TUT1: variants seen among roughly 807,000 people sequenced by gnomAD.
The protein encoded by TUT1 is terminal uridylyl transferase 1, U6 snRNA-specific.
In TUT1, 26 loss-of-function variants were observed where a neutral mutation model predicts 48.8. The observed-to-expected ratio is 0.53, with a 90% CI of 0.39 to 0.74. The LOEUF is 0.74. Among genes scored for constraint, TUT1 ranks in the 30% least tolerant of loss-of-function variants. TUT1 has a pLI of 0.00. For synonymous variants in TUT1, 470 were observed against 460.8 expected (o/e 1.02, Z -0.26); for missense variants, 1,065 against 1,114.8 (o/e 0.96, Z 0.64).
intron 5 of TUT1, 96 bp from the exon 6 acceptor site, chr11:62,577,387 G>T: frequency 1.1e-6 from 1 of 926,304 alleles, no homozygotes; most frequent in Non-Finnish European, 1.7e-6. Context: ...GGAGCCAGCT[G>T]GAATAAGGCC....
rs776702341 is a variant in TUT1, at chr11:62,578,635, G to A, written c.1086C>T (p.Pro362=). 4.5e-5 allele frequency: 73 copies of A among 1,614,070 alleles called. No individual in the cohort carries two copies. The South Asian group carries it at 7.6e-4, about 17-fold the overall frequency. Residue 362 remains proline (P), a synonymous_variant, in exon 5 of 9, where the codon CCC becomes CCT. Coordinates refer to ENST00000476907, the MANE Select transcript of TUT1 (RefSeq NM_022830.3). The part of the protein sequence containing the change: ...VPGVYRVQTV[P]SARRPVVKFC... Reference sequence around the variant, plus strand: ...ACTTGACCACAGGGCGCCGGGCAGAGGGCACAGTTTGGACTCGATACACCC... The same window carrying A: ...ACTTGACCACAGGGCGCCGGGCAGAAGGCACAGTTTGGACTCGATACACCC...
chr11:62,589,137 C>G lies in TUT1; in HGVS notation c.167G>C (p.Arg56Pro), dbSNP rs144880719. The G allele has an allele frequency of 1.2e-6, 2 of 1,614,264 alleles. No individual in the cohort carries two copies. The highest frequency in any genetic ancestry group is 1.7e-6 in the Non-Finnish European group (2 of 1,180,040). ...GGGAAAGCCACTGACAAACACACTT[C>G]GAAGTCCCTGGGCCTTTCTCGCAGC... ...LRAARKAQGL[R>P]SVFVSGFPRD... Residue 56 changes from arginine (R) to proline (P), a missense_variant, in exon 2 of 9, where the codon CGA becomes CCA. Physicochemically the swap from Arg to Pro is moderately radical, Grantham distance 103. Transcript: ENST00000476907.
At position 62,581,177 on chromosome 11, in the gene TUT1, T is replaced by C. The variant is rs1187058045; in HGVS notation, c.619A>G (p.Ile207Val). The C allele has an allele frequency of 6.2e-7, 1 of 1,614,114 alleles. No homozygotes were observed. The highest frequency in any genetic ancestry group is 2.2e-5 in the East Asian group (1 of 44,874). Residue 207 changes from isoleucine (I) to valine (V), a missense_variant, in exon 4 of 9, where the codon ATA (isoleucine) becomes GTA (valine). By Grantham distance (29) the Ile-to-Val change is conservative. Coordinates refer to ENST00000476907, the MANE Select transcript of TUT1 (RefSeq NM_022830.3). ...CAGCCATGGACATCGAAGCTATTTATGGAAGAGCCAAAAGGGTGGACCACA... is the reference window on the plus strand; with the variant it reads ...CAGCCATGGACATCGAAGCTATTTACGGAAGAGCCAAAAGGGTGGACCACA... ...GCVVHPFGSS[I>V]NSFDVHGCDL...
chr11:62,576,445 A>G, intron 8 of TUT1: 1 of 792,280 alleles, frequency 1.3e-6, no homozygotes. Flanking sequence ...CCTTGCCCAG[A>G]TGCTGCTGCT....
intron 1 of TUT1, 62 bp downstream of exon 1, chr11:62,591,342 C>T: frequency 1.3e-6 from 2 of 1,493,766 alleles, no homozygotes; most frequent in East Asian, 4.7e-5. Context: ...CCCTAACTTT[C>T]GCCAGGATCA....
rs755373474 is a variant in TUT1 at position 62,577,220 on chromosome 11, T to C, written c.1232A>G (p.Tyr411Cys). The C allele has an allele frequency of 6.2e-7, 1 of 1,611,310 alleles. No homozygotes were observed. Among genetic ancestry groups the C allele is most frequent in the Non-Finnish European group, 8.5e-7 (1 of 1,179,194 alleles). ...ELDGRVRPLV[Y>C]TLRCWAQGRG... ...ACCCTGAGCCCAGCAGCGGAGGGTG[T>C]ACACGAGGGGCCGGACTCGACCATC... Residue 411 changes from tyrosine to cysteine, a missense_variant, in exon 6 of 9, where the codon TAC (tyrosine) becomes TGC (cysteine). Transcript: ENST00000476907.
intron 8 of TUT1, 197 bp downstream of exon 8, chr11:62,576,460 G>T: frequency 2.6e-6 from 2 of 782,524 alleles, no homozygotes; most frequent in Non-Finnish European, 4.0e-6. Flanking sequence ...GCTGCTCCTT[G>T]CTAGCCAGTG....
intron 4 of TUT1, among the ~76,000 whole-genome samples, chr11:62,579,900 A>G (rs1206035863): frequency 3.3e-5 from 1 of 30,470 alleles, no homozygotes; most frequent in East Asian, 8.4e-4. Flanking sequence ...TCCTGACCTC[A>G]GGTGATCCAC....
At chr11:62,581,005 T>C (rs1941815456) in intron 4 of TUT1, 101 bp downstream of exon 4, 1 of 838,640 alleles carries the variant, frequency 1.2e-6, no homozygotes. Flanking sequence ...ATCTGCATTG[T>C]AGATGAGGAA....
At chr11:62,585,265 G>A (rs1212119993) in intron 2 of TUT1, among the ~76,000 whole-genome samples, 1 of 152,072 alleles carries the variant, frequency 6.6e-6, no homozygotes, top group African/African-American at 2.4e-5. Flanking sequence ...GGATGATAGG[G>A]GCACATCACC....
At chr11:62,577,066 C>T (rs770659435) in intron 6 of TUT1, 49 bp from the exon 7 acceptor site, 3 of 1,590,064 alleles carry the variant, frequency 1.9e-6, no homozygotes, top group Non-Finnish European at 1.7e-6. Context: ...GCTTCTAATC[C>T]CCTCACTGGC....
intron 2 of TUT1, among the ~76,000 whole-genome samples, chr11:62,583,337 C>T (rs1284164957): frequency 6.6e-6 from 1 of 151,716 alleles, no homozygotes; most frequent in African/African-American, 2.4e-5. Flanking sequence ...AAACGCCGGG[C>T]GCAGTAGCTC....
At position 62,581,090 on chromosome 11, in the gene TUT1, TG is replaced by T. The variant is rs1565267197; in HGVS notation, c.690+15del. On this transcript the variant is annotated intron_variant, in intron 4 of 8. Coordinates refer to ENST00000476907, the MANE Select transcript of TUT1 (RefSeq NM_022830.3). Reference sequence around the variant, plus strand: ...CATGGACTTTTCCCAGCTGCCTCCCTGGGACACTCACTCACCTGGGGCTCTT... The same window carrying T: ...CATGGACTTTTCCCAGCTGCCTCCCTGGACACTCACTCACCTGGGGCTCTT... 5 of 1,609,058 alleles carry T rather than the reference TG, an allele frequency of 3.1e-6. No homozygotes were observed. In the African/African-American group the frequency reaches 6.7e-5, roughly 22 times the overall value.
At chr11:62,582,880 G>GC (rs1941854431) in intron 2 of TUT1, among the ~76,000 whole-genome samples, 1 of 152,008 alleles carries the variant, frequency 6.6e-6, no homozygotes, top group Non-Finnish European at 1.5e-5. Flanking sequence ...TGTAATCCCA[G>GC]CACTTTAGGA....
intron 2 of TUT1, chr11:62,582,494 G>A: frequency 2.5e-6 from 1 of 408,030 alleles, no homozygotes; most frequent in Non-Finnish European, 5.0e-6. Flanking sequence ...TACTTGGGAG[G>A]CTATGATAAG....
chr11:62,577,150 T>G, intron 6 of TUT1, 32 bp downstream of exon 6: 1 of 1,603,898 alleles, frequency 6.2e-7, no homozygotes, highest in African/African-American at 1.3e-5. Flanking sequence ...TGAGACCAAC[T>G]CAGCCCCAAG....
intron 2 of TUT1, among the ~76,000 whole-genome samples, chr11:62,583,027 C>G (rs1941857316): frequency 6.7e-6 from 1 of 149,038 alleles, no homozygotes; most frequent in Non-Finnish European, 1.5e-5. Context: ...ACTAGGGAGG[C>G]TAAGGCAGGA....
At chr11:62,586,852 C>A (rs542011593) in intron 2 of TUT1, among the ~76,000 whole-genome samples, 3 of 150,780 alleles carry the variant, frequency 2.0e-5, no homozygotes, top group South Asian at 2.1e-4. Context: ...TTACAGGCGC[C>A]TGCCACCACA....
Position 62,576,240 on chromosome 11 carries a change from G to C in TUT1, c.1479C>G (p.Ser493=). Residue 493 remains serine, a synonymous_variant, in exon 9 of 9, where the codon TCC becomes TCG. Coordinates refer to ENST00000476907, the MANE Select transcript of TUT1 (RefSeq NM_022830.3). ...EPSINVEPLS[S]LLAQFFSCVS... ...CACAGGAGAAGAACTGGGCTAGCAG[G>C]GAACCTGGAGGAGGAGGAAGAGTGG... is the stretch of plus-strand genomic sequence containing the variant. The C allele has an allele frequency of 6.4e-7, 1 of 1,570,294 alleles. No individual in the cohort carries two copies. The highest frequency in any genetic ancestry group is 8.6e-7 in the Non-Finnish European group (1 of 1,158,384).
Sources: gnomAD v4.1 joint callset for allele counts (sites outside exome capture counted in the v4.1 genomes callset) on GRCh38, gnomAD v4.1.1 for gene constraint, MANE v1.5 for transcripts, NCBI Gene and HGNC (gene_info 2026-07-23, HGNC 2026-07-21) for gene names.